TRMT10B: variants seen among roughly 807,000 people sequenced by gnomAD.
TRMT10B encodes the protein tRNA methyltransferase 10 homolog B.
In TRMT10B, 33 loss-of-function variants were observed where a neutral mutation model predicts 43.8. That is an observed-to-expected ratio of 0.75 (90% CI 0.57 to 1.01). The LOEUF (loss-of-function observed/expected upper bound fraction) is 1.01. Among genes scored for constraint, TRMT10B ranks in the 50% least tolerant of loss-of-function variants. The probability of loss-of-function intolerance (pLI) is 0.00; values close to 1 mark genes in which losing one functional copy is unlikely to be tolerated. For synonymous variants in TRMT10B, 137 were observed against 130.6 expected (o/e 1.05, Z -0.34); for missense variants, 362 against 369.8 (o/e 0.98, Z 0.17).
At chr9:37,754,126 C>T (rs1267657755) in intron 1 of TRMT10B, among the ~76,000 whole-genome samples, 3 of 152,224 alleles carry the variant, frequency 2.0e-5, no homozygotes, top group Non-Finnish European at 4.4e-5. Context: ...GGGAGTTAGG[C>T]TAGCAAAGGT....
At position 37,777,642 on chromosome 9, in the gene TRMT10B, C is replaced by G. The variant is rs1195817382; in HGVS notation, c.886C>G (p.Pro296Ala). ...CACTTACTTAGAGACTCACAACTGGCCTGAAGCATTGAAGAAAGGAGTTTC... is the reference window on the plus strand; with the variant it reads ...CACTTACTTAGAGACTCACAACTGGGCTGAAGCATTGAAGAAAGGAGTTTC... ...LSTYLETHNW[P>A]EALKKGVSSG... The change falls in exon 9 of 9, where the codon CCT becomes GCT. Residue 296 changes from proline to alanine, a missense_variant. Coordinates refer to ENST00000297994, the MANE Select transcript of TRMT10B (RefSeq NM_144964.4). 6.2e-7 allele frequency: 1 copy of G among 1,613,864 alleles called. No individual in the cohort carries two copies.
chr9:37,764,315 ATTTT>A (rs753115932), intron 4 of TRMT10B, among the ~76,000 whole-genome samples: 2 of 110,574 alleles, frequency 1.8e-5, no homozygotes, highest in Admixed American at 1.0e-4. Flanking sequence ...CGCCTGACAA[ATTTT>A]TTTTTTTTTT....
chr9:37,769,897 C>G (rs772480050), intron 5 of TRMT10B, 44 bp from the exon 6 acceptor site: 1 of 1,539,002 alleles, frequency 6.5e-7, no homozygotes. Context: ...GCCACCCCAC[C>G]CAGCCGTGAG....
chr9:37,762,162 G>T (rs1466829386), intron 2 of TRMT10B, 45 bp downstream of exon 2: 1 of 1,558,848 alleles, frequency 6.4e-7, no homozygotes, highest in Non-Finnish European at 8.7e-7. Flanking sequence ...ATGATGGAAT[G>T]TCTCAAGACA....
At chr9:37,769,614 CG>C in intron 5 of TRMT10B, 6 of 240,704 alleles carry the variant, frequency 2.5e-5, no homozygotes, top group South Asian at 8.8e-5. Context: ...GAATTTTGAG[CG>C]GGGTTTTTTT....
intron 4 of TRMT10B, among the ~76,000 whole-genome samples, chr9:37,765,835 T>C (rs1382830379): frequency 2.6e-5 from 4 of 152,188 alleles, no homozygotes; most frequent in Non-Finnish European, 5.9e-5. Context: ...CTCTGATGGC[T>C]AGTGATGATG....
rs1563988945 is a variant in TRMT10B, at chr9:37,761,959, CAG to C, written c.30_31del (p.Lys11SerfsTer18). On this transcript the variant is annotated frameshift_variant, in exon 2 of 9. Coordinates refer to ENST00000297994, the MANE Select transcript of TRMT10B (RefSeq NM_144964.4). LOFTEE classifies it high-confidence loss of function. MDWKLEGST[Q>X]KVESPVLQGQ... Reference sequence around the variant, plus strand: ...GGACTGGAAATTGGAAGGGAGTACTCAGAAAGTAGAGTCACCTGTGCTGCAGG... The same window carrying C: ...GGACTGGAAATTGGAAGGGAGTACTCAAAGTAGAGTCACCTGTGCTGCAGG... 1.2e-6 allele frequency: 2 copies of C among 1,613,626 alleles called. No individual in the cohort carries two copies. Among genetic ancestry groups the C allele is most frequent in the East Asian group, 2.2e-5 (1 of 44,872 alleles).
Position 37,778,607 on chromosome 9 carries a change from T to C in TRMT10B, c.*900T>C, listed in dbSNP as rs1828429545. The C allele has an allele frequency of 6.6e-6, 1 of 152,176 alleles. No homozygotes were observed. Among genetic ancestry groups the C allele is most frequent in the Non-Finnish European group, 1.5e-5 (1 of 68,032 alleles). 9.4% of individuals were successfully genotyped at this position (152,176 alleles called of 1,614,324 possible). A position where few individuals can be genotyped will look rare whatever the true frequency, so the allele number is the denominator to read the frequency against. On this transcript the variant is annotated 3_prime_UTR_variant, in exon 9 of 9. Transcript: ENST00000297994. ...GTACATCTATTTGTGAGAGACCTCT[T>C]GAAATTGTTTAAATGGTTACATCAA...
At position 37,777,889 on chromosome 9, in the gene TRMT10B, C is replaced by T. The variant is rs1828356308; in HGVS notation, c.*182C>T. On this transcript the variant is annotated 3_prime_UTR_variant, in exon 9 of 9. Coordinates refer to ENST00000297994, the MANE Select transcript of TRMT10B (RefSeq NM_144964.4). ...GTGTGGTGGCGCATACCTGTAGTCC[C>T]AGCTACTTGGGAGGCTGAGGCAGGA... 6.4e-6 allele frequency: 3 copies of T among 468,796 alleles called. No individual in the cohort carries two copies. In the East Asian group the frequency reaches 1.3e-4, roughly 20 times the overall value. 29.0% of individuals were successfully genotyped at this position (468,796 alleles called of 1,614,324 possible).
At chr9:37,775,444 A>T (rs1828034671) in intron 7 of TRMT10B, among the ~76,000 whole-genome samples, 1 of 152,212 alleles carries the variant, frequency 6.6e-6, no homozygotes, top group Admixed American at 6.5e-5. Context: ...GGAACATCTT[A>T]TAAAGGGACA....
intron 1 of TRMT10B, among the ~76,000 whole-genome samples, chr9:37,754,101 A>G (rs1261057604): frequency 6.6e-6 from 1 of 152,226 alleles, no homozygotes; most frequent in Non-Finnish European, 1.5e-5. Flanking sequence ...GCGGCAGTGT[A>G]GGTACCCATC....
intron 1 of TRMT10B, among the ~76,000 whole-genome samples, chr9:37,754,424 A>G (rs950359076): frequency 6.6e-6 from 1 of 152,144 alleles, no homozygotes; most frequent in African/African-American, 2.4e-5. Flanking sequence ...TGCAGAGGAA[A>G]CGAGAAAGGT....
At chr9:37,766,594 A>C (rs1224813793) in intron 4 of TRMT10B, among the ~76,000 whole-genome samples, 1 of 152,194 alleles carries the variant, frequency 6.6e-6, no homozygotes, top group African/African-American at 2.4e-5. Context: ...ACTTTAAAGT[A>C]GTTTTTTCCA....
Position 37,769,308 on chromosome 9 carries a change from TAAAAAAAAAAAAAAAAAAA to T in TRMT10B, c.574-618_574-600del, listed in dbSNP as rs57651814. Among the ~76,000 whole-genome samples, 152 of 60,746 alleles carry T rather than the reference TAAAAAAAAAAAAAAAAAAA, an allele frequency of 2.5e-3. 1 individual carries two copies. Among genetic ancestry groups the T allele is most frequent in the African/African-American group, 0.011 (145 of 13,356 alleles). 39.9% of individuals were successfully genotyped at this position (60,746 alleles called of 152,430 possible). On this transcript the variant is annotated intron_variant, in intron 5 of 8. Coordinates refer to ENST00000297994, the MANE Select transcript of TRMT10B (RefSeq NM_144964.4). ...GGGTGACAGAGCCAGACCCTGTCTT[TAAAAAAAAAAAAAAAAAAA>T]AAAAAAAAAAAAAATCTCCTTTCAG...
At position 37,758,099 on chromosome 9, in the gene TRMT10B, A is replaced by G. The variant is rs529233866; in HGVS notation, c.-29-3804A>G. ...ACTAGCCATCTCTACAGTGAATAAT[A>G]TTTATGGAGTTATAATATAAATGCA... On this transcript the variant is annotated intron_variant, in intron 1 of 8. Transcript: ENST00000297994. 7.2e-5 allele frequency among the ~76,000 whole-genome samples: 11 copies of G among 152,310 alleles called. No homozygotes were observed. In the South Asian group the frequency reaches 2.3e-3, roughly 32 times the overall value.
chr9:37,770,922 A>G lies in TRMT10B; in HGVS notation c.720+183A>G, dbSNP rs547270550. On this transcript the variant is annotated intron_variant, in intron 7 of 8. Transcript: ENST00000297994. ...TCCCTCTCTCCTCATGAGCAATGTC[A>G]GCGAAATCAAGAGTCGGGAACTGGA... 7.9e-5 allele frequency among the ~76,000 whole-genome samples: 12 copies of G among 152,358 alleles called. No homozygotes were observed. In the South Asian group the frequency reaches 2.5e-3, roughly 32 times the overall value.
intron 6 of TRMT10B, 107 bp downstream of exon 6, chr9:37,770,126 C>A (rs1217348965): frequency 5.1e-6 from 5 of 988,814 alleles, no homozygotes; most frequent in Non-Finnish European, 8.0e-6. Flanking sequence ...CCTCCCCACC[C>A]CCACAAAAAG....
intron 5 of TRMT10B, 58 bp downstream of exon 5, chr9:37,768,286 A>G: frequency 6.6e-7 from 1 of 1,515,196 alleles, no homozygotes; most frequent in African/African-American, 1.4e-5. Context: ...TGTGGTTAAT[A>G]GTATTTTTTT....
intron 7 of TRMT10B, among the ~76,000 whole-genome samples, chr9:37,773,560 G>C (rs1827809328): frequency 6.6e-6 from 1 of 152,196 alleles, no homozygotes; most frequent in African/African-American, 2.4e-5. Context: ...TTAGGGTCGG[G>C]CGTGGTGGCT....
Sources: gnomAD v4.1 joint callset for allele counts (sites outside exome capture counted in the v4.1 genomes callset) on GRCh38, gnomAD v4.1.1 for gene constraint, MANE v1.5 for transcripts, NCBI Gene and HGNC (gene_info 2026-07-23, HGNC 2026-07-21) for gene names.